Variants in IGFN1 observed in about 807,000 individuals in gnomAD.
The protein encoded by IGFN1 is immunoglobulin-like and fibronectin type III domain-containing protein 1.
A neutral mutation model predicts 289.5 loss-of-function variants in IGFN1; 253 were observed. That is an observed-to-expected ratio of 0.87 (90% confidence interval 0.79 to 0.97). IGFN1 has a LOEUF of 0.97. IGFN1 is among the 50% of genes least tolerant of loss of function. The pLI, the probability that IGFN1 is intolerant of heterozygous loss-of-function variation, is 0.00. For missense variants in IGFN1, 4,470 were observed against 4,686.1 expected (o/e 0.95, Z 1.35); for synonymous variants, 1,706 against 1,788.5 (o/e 0.95, Z 1.16).
At chr1:201,201,588 G>T (rs567312916) in intron 8 of IGFN1, 131 bp from the exon 9 acceptor site, 21 of 576,274 alleles carry the variant, frequency 3.6e-5, no homozygotes, top group Non-Finnish European at 2.8e-5. Context: ...TCCCCCACTT[G>T]TAAAAGGGGC....
intron 13 of IGFN1, 115 bp from the exon 14 acceptor site, chr1:201,214,898 C>T: frequency 9.7e-7 from 1 of 1,032,896 alleles, no homozygotes; most frequent in African/African-American, 1.6e-5. Context: ...AATAAGCATT[C>T]CATTCACACA....
Position 201,209,446 on chromosome 1 carries a change from G to T in IGFN1, c.4553G>T (p.Gly1518Val). 6.5e-7 allele frequency: 1 copy of T among 1,536,526 alleles called. No individual in the cohort carries two copies. The highest frequency in any genetic ancestry group is 8.7e-7 in the Non-Finnish European group (1 of 1,146,598). Residue 1518 changes from glycine (G) to valine (V), a missense_variant, in exon 12 of 24, where the codon GGT becomes GTT. Around this residue, in one of 8 missense-constraint regions of IGFN1, gnomAD observed 2,011 missense variants for 1,953.4 expected, o/e 1.03. Coordinates refer to ENST00000335211, the MANE Select transcript of IGFN1 (RefSeq NM_001164586.2). ...GSKAGYRGGL[G>V]SGEMGSVDKA... ...AAAGCAGGTTATAGGGGTGGCTTAG[G>T]TTCTGGGGAAATGGGGTCTGTGGAT...
intron 5 of IGFN1, among the ~76,000 whole-genome samples, 167 bp from the exon 6 acceptor site, chr1:201,199,167 C>G (rs907534869): frequency 6.6e-6 from 1 of 152,198 alleles, no homozygotes; most frequent in African/African-American, 2.4e-5. Context: ...TGGACAGACC[C>G]TCCACCCTGC....
Position 201,212,288 on chromosome 1 carries a change from A to G in IGFN1, c.7395A>G (p.Lys2465=). Residue 2465 remains lysine, a synonymous_variant, in exon 12 of 24, where the codon AAA becomes AAG. Coordinates refer to ENST00000335211, the MANE Select transcript of IGFN1 (RefSeq NM_001164586.2). ...QTLSDERGST[K]DLGGYGTSGI... ...TTTCAGATGAGCGAGGCTCCACCAA[A>G]GATCTTGGGGGCTATGGAACTTCAG... 6.5e-7 allele frequency: 1 copy of G among 1,536,372 alleles called. No individual in the cohort carries two copies. Among genetic ancestry groups the G allele is most frequent in the Non-Finnish European group, 8.7e-7 (1 of 1,146,716 alleles).
intron 18 of IGFN1, among the ~76,000 whole-genome samples, chr1:201,219,464 C>A (rs778162961): frequency 2.0e-5 from 3 of 152,220 alleles, no homozygotes; most frequent in Non-Finnish European, 4.4e-5. Flanking sequence ...ATGATGTGAG[C>A]TTTTGATGTT....
Position 201,211,040 on chromosome 1 carries a change from G to A in IGFN1, c.6147G>A (p.Lys2049=), listed in dbSNP as rs534562140. Residue 2049 remains lysine (K), a synonymous_variant, in exon 12 of 24, where the codon AAG becomes AAA. Coordinates refer to ENST00000335211, the MANE Select transcript of IGFN1 (RefSeq NM_001164586.2). Reference sequence around the variant, plus strand: ...CTGAGAGAATAGGTTCAGGAAGTAAGGCAGGTTTTAGGGATGGTTTAGGGA... The same window carrying A: ...CTGAGAGAATAGGTTCAGGAAGTAAAGCAGGTTTTAGGGATGGTTTAGGGA... The part of the protein sequence containing the change: ...GAPERIGSGS[K]AGFRDGLGSS... 9,407 of 1,500,622 alleles carry A rather than the reference G, an allele frequency of 6.3e-3. 47 individuals are homozygous for A. Among genetic ancestry groups the A allele is most frequent in the Non-Finnish European group, 7.6e-3 (8,550 of 1,125,104 alleles). The allele number at this position is 1,500,622 out of a possible 1,614,324, so 93.0% of individuals were successfully genotyped here.
chr1:201,218,803 A>C (rs1653512368), intron 18 of IGFN1, 145 bp downstream of exon 18: 1 of 820,912 alleles, frequency 1.2e-6, no homozygotes, highest in East Asian at 2.8e-5. Flanking sequence ...TAAAAATCAA[A>C]AGGCCTCTCG....
At chr1:201,205,453 A>G (rs536907891) in intron 11 of IGFN1, 99 bp downstream of exon 11, 14 of 1,305,812 alleles carry the variant, frequency 1.1e-5, no homozygotes, top group African/African-American at 1.5e-5. Context: ...CTTTGGTCAG[A>G]GAGAATAAGG....
intron 20 of IGFN1, among the ~76,000 whole-genome samples, chr1:201,223,441 G>A (rs534301467): frequency 6.6e-6 from 1 of 152,110 alleles, no homozygotes; most frequent in East Asian, 1.9e-4. Context: ...CACGATCTCG[G>A]CTTACTGCAA....
chr1:201,197,002 G>A (rs1275138313), intron 4 of IGFN1, among the ~76,000 whole-genome samples: 1 of 152,146 alleles, frequency 6.6e-6, no homozygotes, highest in Non-Finnish European at 1.5e-5. Context: ...TTTCTACTTC[G>A]CTACATTGCC....
chr1:201,212,701 C>G lies in IGFN1; in HGVS notation c.7808C>G (p.Ser2603Cys). ...ACAGGTCAGGATCTGGACAGCGGCT[C>G]TATGCCTGGGGGAAGGGGCAAGTCA... ...VGTGQDLDSG[S>C]MPGGRGKSTS... is the part of the protein sequence containing the mutation. Residue 2603 changes from serine (S) to cysteine (C), a missense_variant, in exon 12 of 24, where the codon TCT becomes TGT. Physicochemically the swap from Ser to Cys is moderately radical, Grantham distance 112. Transcript: ENST00000335211. The G allele has an allele frequency of 1.3e-6, 2 of 1,549,780 alleles. No homozygotes were observed. Among genetic ancestry groups the G allele is most frequent in the Non-Finnish European group, 1.7e-6 (2 of 1,145,926 alleles).
intron 22 of IGFN1, 62 bp from the exon 23 acceptor site, chr1:201,226,820 G>C: frequency 7.8e-7 from 1 of 1,290,048 alleles, no homozygotes; most frequent in Non-Finnish European, 1.1e-6. Flanking sequence ...ACCCAGACCC[G>C]GGTCTCAGCC....
At chr1:201,225,365 C>CATTTTTAAGTAAA (rs1426143145) in intron 21 of IGFN1, among the ~76,000 whole-genome samples, 1 of 152,214 alleles carries the variant, frequency 6.6e-6, no homozygotes, top group African/African-American at 2.4e-5. Context: ...TCCAAAAATG[C>CATTTTTAAGTAAA]ATGCCTTGTC....
chr1:201,223,958 AG>A (rs1374956752), intron 20 of IGFN1, among the ~76,000 whole-genome samples: 1 of 152,250 alleles, frequency 6.6e-6, no homozygotes, highest in Admixed American at 6.5e-5. Context: ...ATGCACATTG[AG>A]TAGTTACCAT....
chr1:201,224,994 AC>A, intron 21 of IGFN1, 120 bp downstream of exon 21: 1 of 641,884 alleles, frequency 1.6e-6, no homozygotes, highest in South Asian at 2.4e-5. Context: ...ATGCAAAGTG[AC>A]CATTCTCCAC....
At position 201,195,992 on chromosome 1, in the gene IGFN1, C is replaced by T; in HGVS notation, c.267+14C>T. 6.4e-7 allele frequency: 1 copy of T among 1,550,776 alleles called. No individual in the cohort carries two copies. Among genetic ancestry groups the T allele is most frequent in the Non-Finnish European group, 8.7e-7 (1 of 1,146,552 alleles). ...CACGTGCTGCAGGTAAGAACCGTAGCTCTTCCCCTGACCAGGGTCTACTCG... is the reference window on the plus strand; with the variant it reads ...CACGTGCTGCAGGTAAGAACCGTAGTTCTTCCCCTGACCAGGGTCTACTCG... On this transcript the variant is annotated intron_variant, in intron 4 of 23. Transcript: ENST00000335211.
Position 201,213,144 on chromosome 1 carries a change from A to G in IGFN1, c.8251A>G (p.Arg2751Gly), listed in dbSNP as rs757185002. 1 of 1,551,592 alleles carries G rather than the reference A, an allele frequency of 6.4e-7. No individual in the cohort carries two copies. The highest frequency in any genetic ancestry group is 1.2e-5 in the South Asian group (1 of 84,054). The part of the protein sequence containing the change: ...LDGPFGRKAS[R>G]DRSGGTQDLS... ...TGGTCCCTTTGGCAGAAAAGCCTCT[A>G]GAGATAGGTCAGGAGGGACCCAGGA... is the stretch of plus-strand genomic sequence containing the variant. Residue 2751 changes from arginine to glycine, a missense_variant, in exon 12 of 24, where the codon AGA becomes GGA. Transcript: ENST00000335211.
At chr1:201,199,484 C>T (rs1260567563) in intron 6 of IGFN1, 106 bp downstream of exon 6, 2 of 1,402,984 alleles carry the variant, frequency 1.4e-6, no homozygotes, top group Admixed American at 2.0e-5. Flanking sequence ...TTGTGGATCA[C>T]CACCAGTCTT....
rs1293620750 is a variant in IGFN1, at chr1:201,199,316, C to A, written c.368-18C>A. ...CTTGTCCACATCGACTCCTTCCTCT[C>A]CTCCCTGGATGTTGCAGTTGGCTTT... On this transcript the variant is annotated intron_variant, in intron 5 of 23. Transcript: ENST00000335211. 46 of 1,551,534 alleles carry A rather than the reference C, an allele frequency of 3.0e-5. No individual in the cohort carries two copies. The highest frequency in any genetic ancestry group is 1.4e-4 in the Admixed American group (7 of 51,006).
Sources: gnomAD v4.1 joint callset for allele counts (sites outside exome capture counted in the v4.1 genomes callset) on GRCh38, gnomAD v4.1.1 for gene constraint, gnomAD v4.1.1 regional missense constraint, MANE v1.5 for transcripts, NCBI Gene and HGNC (gene_info 2026-07-23, HGNC 2026-07-21) for gene names.